Variants in TAFA1 observed in about 807,000 individuals in gnomAD.
TAFA1 encodes the protein chemokine-like protein TAFA-1.
Under a neutral mutation model 18.5 loss-of-function variants are expected in TAFA1, and 4 were observed. The ratio of observed to expected loss-of-function variants is 0.22; its 90% CI spans 0.11 to 0.49. The LOEUF (loss-of-function observed/expected upper bound fraction) is 0.49. Ranked by LOEUF, TAFA1 falls within the 20% of genes least tolerant of loss-of-function variation. The probability of loss-of-function intolerance (pLI) is 0.98; values close to 1 mark genes in which losing one functional copy is unlikely to be tolerated. For synonymous variants in TAFA1, 56 were observed against 55.2 expected (o/e 1.01, Z -0.06); for missense variants, 147 against 169.0 (o/e 0.87, Z 0.72).
intron 2 of TAFA1, among the ~76,000 whole-genome samples, chr3:68,122,882 A>G (rs1273414308): frequency 6.6e-6 from 1 of 151,222 alleles, no homozygotes; most frequent in Admixed American, 6.6e-5. Flanking sequence ...GTGCATCTGT[A>G]TTTTACATCT....
intron 2 of TAFA1, among the ~76,000 whole-genome samples, chr3:68,271,379 G>T (rs571896284): frequency 3.9e-5 from 6 of 152,106 alleles, no homozygotes; most frequent in Non-Finnish European, 8.8e-5. Context: ...TTGTCCAGGG[G>T]ATGGAATTGT....
chr3:68,226,825 C>G (rs915260015), intron 2 of TAFA1, among the ~76,000 whole-genome samples: 1 of 152,132 alleles, frequency 6.6e-6, no homozygotes, highest in Non-Finnish European at 1.5e-5. Context: ...CAGCTGAGCC[C>G]CCATCCTGAT....
At chr3:68,301,997 T>G (rs954432634) in intron 2 of TAFA1, among the ~76,000 whole-genome samples, 1 of 152,240 alleles carries the variant, frequency 6.6e-6, no homozygotes, top group Non-Finnish European at 1.5e-5. Context: ...CATTTTATCC[T>G]AGTTCTTTTG....
chr3:68,480,007 A>C (rs923230667), intron 3 of TAFA1, among the ~76,000 whole-genome samples: 2 of 152,176 alleles, frequency 1.3e-5, no homozygotes, highest in Admixed American at 1.3e-4. Context: ...TCTCATTTGC[A>C]TAATGAAATA....
intron 2 of TAFA1, among the ~76,000 whole-genome samples, chr3:68,321,055 G>A (rs1042269996): frequency 6.6e-6 from 1 of 152,190 alleles, no homozygotes; most frequent in Admixed American, 6.5e-5. Flanking sequence ...GACTGTCAGG[G>A]TTGAAATCGC....
intron 3 of TAFA1, among the ~76,000 whole-genome samples, chr3:68,537,130 G>C (rs2106786300): frequency 6.6e-6 from 1 of 152,178 alleles, no homozygotes; most frequent in Non-Finnish European, 1.5e-5. Context: ...TCATTGAATA[G>C]AAATAGTGCA....
intron 3 of TAFA1, among the ~76,000 whole-genome samples, chr3:68,507,895 T>C (rs1182049499): frequency 1.3e-5 from 2 of 152,134 alleles, no homozygotes; most frequent in Non-Finnish European, 2.9e-5. Context: ...TATTACAAAG[T>C]AGTATTTATT....
the TAFA1 span, among the ~76,000 whole-genome samples, chr3:67,991,956 C>A: frequency 6.6e-6 from 1 of 152,172 alleles, no homozygotes; most frequent in South Asian, 2.1e-4. Context: ...AATGCCCTGG[C>A]ATTCTCTAAA....
At chr3:68,016,802 C>T (rs1043457089) in intron 2 of TAFA1, among the ~76,000 whole-genome samples, 13 of 152,296 alleles carry the variant, frequency 8.5e-5, no homozygotes, top group Middle Eastern at 3.4e-3. Context: ...AACATATTCT[C>T]ATGACCCATA....
intron 2 of TAFA1, among the ~76,000 whole-genome samples, chr3:68,349,836 C>G (rs262222): frequency 0.5 from 75,987 of 151,876 alleles, 19,535 homozygotes; most frequent in East Asian, 0.72. Flanking sequence ...AGTGGGGATG[C>G]GGAAGGGAGC....
At chr3:68,079,419 G>A (rs1359329552) in intron 2 of TAFA1, among the ~76,000 whole-genome samples, 1 of 151,894 alleles carries the variant, frequency 6.6e-6, no homozygotes, top group East Asian at 1.9e-4. Context: ...TGTCAATTTT[G>A]GATCTTTCCT....
chr3:68,204,338 T>C (rs1400673047), intron 2 of TAFA1, among the ~76,000 whole-genome samples: 1 of 151,836 alleles, frequency 6.6e-6, no homozygotes, highest in Non-Finnish European at 1.5e-5. Context: ...GAACTTTTCA[T>C]CTGGTAGCAG....
intron 2 of TAFA1, among the ~76,000 whole-genome samples, chr3:68,072,295 G>A (rs557986600): frequency 1.4e-4 from 22 of 152,286 alleles, no homozygotes; most frequent in Non-Finnish European, 2.2e-4. Context: ...AAGCAGCCTC[G>A]TGTGGCTTGA....
chr3:68,328,670 C>A (rs1046357736), intron 2 of TAFA1, among the ~76,000 whole-genome samples: 3 of 152,128 alleles, frequency 2.0e-5, no homozygotes, highest in Non-Finnish European at 2.9e-5. Flanking sequence ...TTTTGGAATT[C>A]TCTTTGCCTG....
At chr3:68,399,405 C>T (rs1165542983) in intron 2 of TAFA1, among the ~76,000 whole-genome samples, 3 of 152,130 alleles carry the variant, frequency 2.0e-5, no homozygotes, top group Non-Finnish European at 4.4e-5. Flanking sequence ...AACAGAGGCT[C>T]AACCATCCAG....
intron 2 of TAFA1, among the ~76,000 whole-genome samples, chr3:68,093,931 G>T (rs2065057072): frequency 6.6e-6 from 1 of 152,038 alleles, no homozygotes; most frequent in Non-Finnish European, 1.5e-5. Flanking sequence ...CCTGTCTCTT[G>T]ATATGGAAAG....
chr3:68,461,376 T>TATATAA (rs1201083612), intron 3 of TAFA1, among the ~76,000 whole-genome samples: 1 of 142,184 alleles, frequency 7.0e-6, no homozygotes, highest in Non-Finnish European at 1.5e-5. Flanking sequence ...TATATATATA[T>TATATAA]ATATGTATGT....
chr3:68,218,802 G>A (rs898495224), intron 2 of TAFA1, among the ~76,000 whole-genome samples: 2 of 152,120 alleles, frequency 1.3e-5, no homozygotes, highest in Admixed American at 1.3e-4. Flanking sequence ...CTGGACTTGG[G>A]TTAAGCTGAA....
At chr3:68,193,890 T>G (rs935128022) in intron 2 of TAFA1, among the ~76,000 whole-genome samples, 1 of 151,750 alleles carries the variant, frequency 6.6e-6, no homozygotes, top group Non-Finnish European at 1.5e-5. Context: ...TTTGTGGGTT[T>G]GCAGTTCAGT....
Sources: gnomAD v4.1 joint callset for allele counts (sites outside exome capture counted in the v4.1 genomes callset) on GRCh38, gnomAD v4.1.1 for gene constraint, MANE v1.5 for transcripts, NCBI Gene and HGNC (gene_info 2026-07-23, HGNC 2026-07-21) for gene names.